The following WDR3 variants were observed in gnomAD, a reference collection of about 807,000 sequenced individuals.
The protein encoded by WDR3 is WD repeat domain 3.
In WDR3, 81 loss-of-function variants were observed where a neutral mutation model predicts 123.7. That is an observed-to-expected ratio of 0.65 (90% CI 0.55 to 0.79). The LOEUF (loss-of-function observed/expected upper bound fraction) is 0.79, where lower values mean the gene tolerates loss of function less well. Ranked by LOEUF, WDR3 falls within the 30% of genes least tolerant of loss-of-function variation. The pLI, the probability that WDR3 is intolerant of heterozygous loss-of-function variation, is 0.00. For missense variants in WDR3, 1,027 were observed against 1,123.2 expected (o/e 0.91, Z 1.22); for synonymous variants, 390 against 388.8 (o/e 1.00, Z -0.04).
rs559940102 is a variant in WDR3 at position 117,961,644 on chromosome 1, T to C, written c.*2197T>C. 3.6e-4 allele frequency: 55 copies of C among 152,332 alleles called. No individual in the cohort carries two copies. The highest frequency in any genetic ancestry group is 1.3e-3 in the African/African-American group (53 of 41,574). 9.4% of individuals were successfully genotyped at this position (152,332 alleles called of 1,614,324 possible). The stretch of plus-strand genomic sequence containing the variant: ...CACCATTTTCTTCTAGGCTCAGATA[T>C]GCAGTCCTTGTGGCTTGCCGATTTG... On this transcript the variant is annotated 3_prime_UTR_variant, in exon 27 of 27. Coordinates refer to ENST00000349139, the MANE Select transcript of WDR3 (RefSeq NM_006784.3).
rs6696148 is a variant in WDR3, at chr1:117,929,801, T to C, written c.-33+19T>C. ...GGCTGAGGTGAGTCCTGGAGGTGCG[T>C]GGTTGGGGCGGAGAGCATTATCTGC... On this transcript the variant is annotated intron_variant, in intron 1 of 26. Transcript: ENST00000349139. 0.056 allele frequency: 8,569 copies of C among 151,994 alleles called. 588 individuals are homozygous for C. Among genetic ancestry groups the C allele is most frequent in the African/African-American group, 0.16 (6,564 of 41,312 alleles). 9.4% of individuals were successfully genotyped at this position (151,994 alleles called of 1,614,324 possible).
At chr1:117,944,858 C>T (rs1474227975) in intron 11 of WDR3, among the ~76,000 whole-genome samples, 12 of 152,178 alleles carry the variant, frequency 7.9e-5, no homozygotes, top group East Asian at 1.9e-4. Context: ...TGTGCCACCA[C>T]GCCTGGCTAA....
chr1:117,936,634 A>G (rs1270074498), intron 3 of WDR3, 135 bp from the exon 4 acceptor site: 2 of 576,082 alleles, frequency 3.5e-6, no homozygotes, highest in African/African-American at 1.9e-5. Context: ...ATTCCCCTGT[A>G]CTTTCCCCAT....
Position 117,962,111 on chromosome 1 carries a change from C to T in WDR3, c.*2664C>T, listed in dbSNP as rs974204293. On this transcript the variant is annotated 3_prime_UTR_variant, in exon 27 of 27. Coordinates refer to ENST00000349139, the MANE Select transcript of WDR3 (RefSeq NM_006784.3). Reference sequence around the variant, plus strand: ...TTGCTGTTTTCCCGTAGCTTTGCCACCATTTATAACTCAAAAGCCTGATAG... The same window carrying T: ...TTGCTGTTTTCCCGTAGCTTTGCCATCATTTATAACTCAAAAGCCTGATAG... The T allele has an allele frequency of 6.6e-6, 1 of 151,660 alleles. No individual in the cohort carries two copies. The highest frequency in any genetic ancestry group is 1.5e-5 in the Non-Finnish European group (1 of 67,982). The allele number at this position is 151,660 out of a possible 1,614,324, so 9.4% of individuals were successfully genotyped here.
chr1:117,940,921 C>G lies in WDR3; in HGVS notation c.770C>G (p.Thr257Arg). Residue 257 changes from threonine (T) to arginine (R), a missense_variant, in exon 7 of 27, where the codon ACG (threonine) becomes AGG (arginine). Coordinates refer to ENST00000349139, the MANE Select transcript of WDR3 (RefSeq NM_006784.3). ...GAGGCAGAGGATGGTGCCTTTGAGACGGATGAAGCCCCTGAGGATGTAATT... is the reference window on the plus strand; with the variant it reads ...GAGGCAGAGGATGGTGCCTTTGAGAGGGATGAAGCCCCTGAGGATGTAATT... Reference protein sequence around the residue: ...TLEAEDGAFETDEAPEDRILS... With the variant: ...TLEAEDGAFERDEAPEDRILS... The G allele has an allele frequency of 6.2e-7, 1 of 1,612,264 alleles. No individual in the cohort carries two copies. Among genetic ancestry groups the G allele is most frequent in the South Asian group, 1.1e-5 (1 of 90,562 alleles).
rs1324095893 is a variant in WDR3 at position 117,966,320 on chromosome 1, TGATA to T, written c.*6878_*6881del. On this transcript the variant is annotated 3_prime_UTR_variant, in exon 27 of 27. Transcript: ENST00000349139. ...CTTCCATAAAATTATAATTTTTTTG[TGATA>T]GATACTTGCTGTTTTATTATTCTGT... 2 of 237,372 alleles carry T rather than the reference TGATA, an allele frequency of 8.4e-6. No individual in the cohort carries two copies. Among genetic ancestry groups the T allele is most frequent in the Non-Finnish European group, 1.6e-5 (2 of 124,770 alleles). The allele number at this position is 237,372 out of a possible 1,614,324, so 14.7% of individuals were successfully genotyped here.
chr1:117,956,485 A>AT (rs1393877101), intron 24 of WDR3, among the ~76,000 whole-genome samples: 1 of 152,210 alleles, frequency 6.6e-6, no homozygotes, highest in East Asian at 1.9e-4. Context: ...AAATTGATTA[A>AT]TGTGGAGGTT....
At position 117,965,134 on chromosome 1, in the gene WDR3, T is replaced by C. The variant is rs1233631285; in HGVS notation, c.*5687T>C. 2 of 152,222 alleles carry C rather than the reference T, an allele frequency of 1.3e-5. No individual in the cohort carries two copies. Among genetic ancestry groups the C allele is most frequent in the Non-Finnish European group, 2.9e-5 (2 of 68,026 alleles). 9.4% of individuals were successfully genotyped at this position (152,222 alleles called of 1,614,324 possible). ...ATAACTAATGTTTCTGCTTTCTTAA[T>C]ACAGTCATTCTTTACCTTTTGCAAT... On this transcript the variant is annotated 3_prime_UTR_variant, in exon 27 of 27. Transcript: ENST00000349139.
rs1653872668 is a variant in WDR3 at position 117,966,541 on chromosome 1, C to G, written c.*7094C>G. ...ATAAAGTAGAGATGCATTTTGACTTCCATGTTTTCCTCACTCGTGTAATTT... is the reference window on the plus strand; with the variant it reads ...ATAAAGTAGAGATGCATTTTGACTTGCATGTTTTCCTCACTCGTGTAATTT... On this transcript the variant is annotated 3_prime_UTR_variant, in exon 27 of 27. Transcript: ENST00000349139. The G allele has an allele frequency of 2.2e-6, 3 of 1,362,618 alleles. No individual in the cohort carries two copies. The highest frequency in any genetic ancestry group is 2.9e-6 in the Non-Finnish European group (3 of 1,025,654). 84.4% of individuals were successfully genotyped at this position (1,362,618 alleles called of 1,614,324 possible). A position where few individuals can be genotyped will look rare whatever the true frequency, so the allele number is the denominator to read the frequency against.
intron 16 of WDR3, among the ~76,000 whole-genome samples, chr1:117,951,342 G>C (rs1648786481): frequency 1.3e-5 from 2 of 150,336 alleles, no homozygotes; most frequent in East Asian, 2.0e-4. Context: ...CCAATACCTA[G>C]TTTTGATTAG....
At chr1:117,931,758 A>G (rs138104950) in intron 1 of WDR3, among the ~76,000 whole-genome samples, 240 of 152,362 alleles carry the variant, frequency 1.6e-3, no homozygotes, top group Non-Finnish European at 2.4e-3. Context: ...TTGGGAAAGA[A>G]TTAATCAAAT....
chr1:117,951,906 T>C (rs1399886479), intron 16 of WDR3, 70 bp from the exon 17 acceptor site: 1 of 1,405,494 alleles, frequency 7.1e-7, no homozygotes, highest in East Asian at 2.3e-5. Flanking sequence ...GGGTTAAATA[T>C]TCTGGTTAGC....
Position 117,948,494 on chromosome 1 carries a change from C to T in WDR3, c.1512C>T (p.Leu504=), listed in dbSNP as rs1242793649. ...ATGGAGCTTTGTGGTCCATGTCCCTCTCTCCAGATCAGGTAACTAAACCAG... is the reference window on the plus strand; with the variant it reads ...ATGGAGCTTTGTGGTCCATGTCCCTTTCTCCAGATCAGGTAACTAAACCAG... ...AHDGALWSMS[L]SPDQRGFVTG... Residue 504 remains leucine, a synonymous_variant, in exon 13 of 27, where the codon CTC becomes CTT. Coordinates refer to ENST00000349139, the MANE Select transcript of WDR3 (RefSeq NM_006784.3). The T allele has an allele frequency of 6.2e-7, 1 of 1,613,330 alleles. No individual in the cohort carries two copies. Among genetic ancestry groups the T allele is most frequent in the Non-Finnish European group, 8.5e-7 (1 of 1,179,628 alleles).
chr1:117,933,645 C>A, intron 2 of WDR3, 155 bp downstream of exon 2: 1 of 911,902 alleles, frequency 1.1e-6, no homozygotes, highest in Non-Finnish European at 1.7e-6. Flanking sequence ...GCTAGCCAAG[C>A]ATCAAGTTCC....
chr1:117,950,548 A>G (rs1475785527), intron 15 of WDR3, among the ~76,000 whole-genome samples: 1 of 152,076 alleles, frequency 6.6e-6, no homozygotes, highest in Non-Finnish European at 1.5e-5. Context: ...TTGTGAAACA[A>G]ATGCCCTGGA....
At position 117,957,208 on chromosome 1, in the gene WDR3, TTCCAAA is replaced by T; in HGVS notation, c.2582+13_2582+18del. On this transcript the variant is annotated intron_variant, in intron 25 of 26. Coordinates refer to ENST00000349139, the MANE Select transcript of WDR3 (RefSeq NM_006784.3). ...TTCTTCCTCCTTAGGTAACATCCTT[TTCCAAA>T]GAATACCATGTCTGTTCAGCAGAAC... 1 of 1,607,620 alleles carries T rather than the reference TTCCAAA, an allele frequency of 6.2e-7. No individual in the cohort carries two copies. The highest frequency in any genetic ancestry group is 8.5e-7 in the Non-Finnish European group (1 of 1,177,778).
intron 2 of WDR3, among the ~76,000 whole-genome samples, chr1:117,934,161 T>G (rs989931126): frequency 6.6e-6 from 1 of 152,230 alleles, no homozygotes; most frequent in Non-Finnish European, 1.5e-5. Context: ...TCACGTAGTG[T>G]TGTTCTAGGG....
rs184299198 is a variant in WDR3 at position 117,966,365 on chromosome 1, T to C, written c.*6918T>C. 5.1e-4 allele frequency: 179 copies of C among 347,970 alleles called. No individual in the cohort carries two copies. Among genetic ancestry groups the C allele is most frequent in the African/African-American group, 3.7e-3 (176 of 47,640 alleles). The allele number at this position is 347,970 out of a possible 1,614,324, so 21.6% of individuals were successfully genotyped here. A position where few individuals can be genotyped will look rare whatever the true frequency, so the allele number is the denominator to read the frequency against. ...ATTATTCTGTCTGATATTCCGTAGA[T>C]AGCCAATAACATTTACATTTATTCA... On this transcript the variant is annotated 3_prime_UTR_variant, in exon 27 of 27. Transcript: ENST00000349139.
chr1:117,936,748 T>G lies in WDR3; in HGVS notation c.382-21T>G, dbSNP rs760909802. On this transcript the variant is annotated intron_variant, in intron 3 of 26. Coordinates refer to ENST00000349139, the MANE Select transcript of WDR3 (RefSeq NM_006784.3). ...ATGGTAAAGAAAATTATTTTTCATC[T>G]GTATTATTTGATCCCTTTAGGACAC... The G allele has an allele frequency of 3.2e-6, 5 of 1,548,226 alleles. No homozygotes were observed. In the South Asian group the frequency reaches 4.8e-5, roughly 15 times the overall value.
Sources: gnomAD v4.1 joint callset for allele counts (sites outside exome capture counted in the v4.1 genomes callset) on GRCh38, gnomAD v4.1.1 for gene constraint, MANE v1.5 for transcripts, NCBI Gene and HGNC (gene_info 2026-07-23, HGNC 2026-07-21) for gene names.